The following MRTFB variants were observed in gnomAD, a reference collection of about 807,000 sequenced individuals.
MRTFB encodes the protein myocardin-related transcription factor B.
MRTFB carries 29 observed loss-of-function variants against 104.2 expected under a neutral mutation model. The observed-to-expected ratio is 0.28, with a 90% CI of 0.21 to 0.38. The LOEUF (loss-of-function observed/expected upper bound fraction) is 0.38, where lower values mean the gene tolerates loss of function less well. MRTFB is among the 10% of genes least tolerant of loss of function. The pLI is 1.00. For missense variants in MRTFB, 1,270 were observed against 1,341.6 expected (o/e 0.95, Z 0.83); for synonymous variants, 535 against 519.5 (o/e 1.03, Z -0.41).
the MRTFB span, among the ~76,000 whole-genome samples, chr16:14,033,625 G>T: frequency 4.6e-5 from 7 of 151,738 alleles, no homozygotes; most frequent in Admixed American, 3.9e-4. Context: ...TCACCTTAAG[G>T]TCAGGAGTTT....
chr16:14,260,305 TA>T (rs2043712089), intron 16 of MRTFB, among the ~76,000 whole-genome samples: 1 of 151,680 alleles, frequency 6.6e-6, no homozygotes, highest in Non-Finnish European at 1.5e-5. Context: ...TTCAGAACTT[TA>T]CACAGAATGC....
At chr16:14,112,761 C>T (rs1432384337) in intron 2 of MRTFB, among the ~76,000 whole-genome samples, 4 of 152,186 alleles carry the variant, frequency 2.6e-5, no homozygotes, top group African/African-American at 9.7e-5. Flanking sequence ...CTTGCTATTG[C>T]CATCCAACAC....
rs192218377 is a variant in MRTFB, at chr16:14,087,641, T to A, written c.-64+8287T>A. On this transcript the variant is annotated intron_variant, in intron 2 of 16. Coordinates refer to ENST00000571589, the MANE Select transcript of MRTFB (RefSeq NM_001308142.2). ...GTTTGTGTATGTTAAACTCAGTAAGTTTTATTTTAAATATACTTCAGTCTG... is the reference window on the plus strand; with the variant it reads ...GTTTGTGTATGTTAAACTCAGTAAGATTTATTTTAAATATACTTCAGTCTG... Among the ~76,000 whole-genome samples the A allele has an allele frequency of 2.0e-5, 3 of 152,344 alleles. No individual in the cohort carries two copies. The East Asian group carries it at 5.8e-4, about 29-fold the overall frequency.
At chr16:14,132,417 A>G (rs535666928) in intron 2 of MRTFB, among the ~76,000 whole-genome samples, 14 of 152,326 alleles carry the variant, frequency 9.2e-5, no homozygotes, top group South Asian at 2.1e-4. Flanking sequence ...AAGATGGTTA[A>G]GAACCCAAAA....
At chr16:14,106,709 A>T (rs1397247367) in intron 2 of MRTFB, among the ~76,000 whole-genome samples, 1 of 152,184 alleles carries the variant, frequency 6.6e-6, no homozygotes, top group African/African-American at 2.4e-5. Flanking sequence ...TGAGGGTATC[A>T]TGTTTTTAAA....
the MRTFB span, among the ~76,000 whole-genome samples, chr16:14,003,643 TC>T: frequency 1.7e-4 from 5 of 29,314 alleles, no homozygotes; most frequent in African/African-American, 8.1e-4. Flanking sequence ...CCTGCCTGCC[TC>T]CCTCCCTCCC....
chr16:14,096,416 C>G (rs1357488047), intron 2 of MRTFB, among the ~76,000 whole-genome samples: 1 of 152,146 alleles, frequency 6.6e-6, no homozygotes, highest in East Asian at 1.9e-4. Context: ...CTAAGGAATT[C>G]TGAAGCACGT....
chr16:14,124,446 C>T (rs189281725), intron 2 of MRTFB, among the ~76,000 whole-genome samples: 1 of 152,256 alleles, frequency 6.6e-6, no homozygotes, highest in Admixed American at 6.5e-5. Context: ...TCCATCAATA[C>T]CTAGTTTATT....
chr16:14,101,556 C>G (rs924326157), intron 2 of MRTFB, among the ~76,000 whole-genome samples: 1 of 152,156 alleles, frequency 6.6e-6, no homozygotes, highest in Admixed American at 6.5e-5. Context: ...TTGCACACAG[C>G]TGATGTTCCT....
chr16:14,157,242 CACA>C (rs1359349695), intron 3 of MRTFB, among the ~76,000 whole-genome samples: 2 of 152,164 alleles, frequency 1.3e-5, no homozygotes, highest in East Asian at 1.9e-4. Flanking sequence ...GTCAAATCTT[CACA>C]ACATGTCATA....
In MRTFB at chr16:14,246,458, T is replaced by G; in HGVS notation, c.1213-15T>G. 1 of 1,610,944 alleles carries G rather than the reference T, an allele frequency of 6.2e-7. No homozygotes were observed. The highest frequency in any genetic ancestry group is 8.5e-7 in the Non-Finnish European group (1 of 1,177,786). ...AGCTCTAATACTAAGATATCTGCTT[T>G]GTTTGTACCTCCAGGTATCAGAACT... is the stretch of plus-strand genomic sequence containing the variant. On this transcript the variant is annotated splice_polypyrimidine_tract_variant and intron_variant, in intron 11 of 16. Coordinates refer to ENST00000571589, the MANE Select transcript of MRTFB (RefSeq NM_001308142.2).
At chr16:14,071,958 A>G (rs966688143) in intron 1 of MRTFB, among the ~76,000 whole-genome samples, 1 of 152,050 alleles carries the variant, frequency 6.6e-6, no homozygotes, top group Non-Finnish European at 1.5e-5. Context: ...TCTCGTTCCT[A>G]AAAGGGTCCC....
intron 13 of MRTFB, among the ~76,000 whole-genome samples, chr16:14,250,367 T>TA (rs1434208753): frequency 1.3e-5 from 2 of 152,220 alleles, no homozygotes; most frequent in Non-Finnish European, 2.9e-5. Context: ...GAAATACAGT[T>TA]ACAATATCAG....
chr16:14,044,907 T>A, the MRTFB span, among the ~76,000 whole-genome samples: 2 of 152,092 alleles, frequency 1.3e-5, no homozygotes, highest in Non-Finnish European at 2.9e-5. Context: ...AGTTGCTGGG[T>A]CTACAACTGG....
At chr16:14,259,126 AT>A (rs1001132902) in intron 16 of MRTFB, among the ~76,000 whole-genome samples, 1 of 152,228 alleles carries the variant, frequency 6.6e-6, no homozygotes, top group African/African-American at 2.4e-5. Context: ...TAAGAATTAT[AT>A]TGGCCTTACA....
intron 3 of MRTFB, among the ~76,000 whole-genome samples, chr16:14,176,317 A>G (rs1413015390): frequency 6.6e-6 from 1 of 152,228 alleles, no homozygotes; most frequent in African/African-American, 2.4e-5. Flanking sequence ...ATACAGTTCC[A>G]GCTCGCAAAG....
intron 15 of MRTFB, among the ~76,000 whole-genome samples, chr16:14,255,525 A>G (rs1322287870): frequency 1.3e-5 from 2 of 152,268 alleles, no homozygotes; most frequent in Non-Finnish European, 2.9e-5. Context: ...GAATTCTATT[A>G]TCATGTTAAA....
chr16:14,257,226 C>T (rs553875420), intron 15 of MRTFB, among the ~76,000 whole-genome samples: 5 of 152,240 alleles, frequency 3.3e-5, no homozygotes, highest in Admixed American at 6.5e-5. Context: ...TCCTGTGATC[C>T]GGTCATTCCA....
the MRTFB span, chr16:14,015,974 A>T: frequency 5.0e-6 from 2 of 398,504 alleles, no homozygotes; most frequent in African/African-American, 4.1e-5. Context: ...TTGCCTTCAC[A>T]ATCCTTCATG....
Sources: gnomAD v4.1 joint callset for allele counts (sites outside exome capture counted in the v4.1 genomes callset) on GRCh38, gnomAD v4.1.1 for gene constraint, MANE v1.5 for transcripts, NCBI Gene and HGNC (gene_info 2026-07-23, HGNC 2026-07-21) for gene names.